Variants in ADAP1 observed in about 807,000 individuals in gnomAD.
ADAP1 encodes the protein arf-GAP with dual PH domain-containing protein 1.
A neutral mutation model predicts 54.9 loss-of-function variants in ADAP1; 31 were observed. The ratio of observed to expected loss-of-function variants is 0.56; its 90% CI spans 0.42 to 0.76. The LOEUF (loss-of-function observed/expected upper bound fraction) is 0.76. Ranked by LOEUF, ADAP1 falls within the 30% of genes least tolerant of loss-of-function variation. The pLI is 0.00. For missense variants in ADAP1, 535 were observed against 512.4 expected, an observed-to-expected ratio of 1.04 and a Z score of -0.42; for synonymous variants, 313 against 202.6, an observed-to-expected ratio of 1.55 and a Z score of -4.63.
intron 8 of ADAP1, 42 bp from the exon 9 acceptor site, chr7:899,532 C>G (rs895528645): frequency 1.9e-6 from 3 of 1,593,806 alleles, no homozygotes; most frequent in Non-Finnish European, 2.6e-6. Context: ...GTCGCCGAGG[C>G]AGGCCCTACA....
intron 4 of ADAP1, among the ~76,000 whole-genome samples, chr7:912,081 A>ACAGCCC (rs1229977674): frequency 1.3e-5 from 2 of 152,166 alleles, no homozygotes; most frequent in African/African-American, 4.8e-5. Flanking sequence ...GACCTCGTGC[A>ACAGCCC]CAGCCCCAGC....
At chr7:941,657 A>C (rs1583183739) in intron 1 of ADAP1, among the ~76,000 whole-genome samples, 1 of 152,234 alleles carries the variant, frequency 6.6e-6, no homozygotes, top group East Asian at 1.9e-4. Flanking sequence ...AGACCTACAG[A>C]TTTTGGAAAG....
At chr7:941,662 G>A (rs1846942641) in intron 1 of ADAP1, among the ~76,000 whole-genome samples, 1 of 152,094 alleles carries the variant, frequency 6.6e-6, no homozygotes, top group Admixed American at 6.6e-5. Flanking sequence ...TACAGATTTT[G>A]GAAAGAGATA....
rs1845039357 is a variant in ADAP1 at position 905,068 on chromosome 7, T to C, written c.493A>G (p.Arg165Gly). The C allele has an allele frequency of 1.2e-6, 2 of 1,611,046 alleles. No homozygotes were observed. The highest frequency in any genetic ancestry group is 1.3e-5 in the African/African-American group (1 of 75,054). ...CCCCGTCTGTGACTCACATCATTTC[T>C]GTTGAAATACTTCAGAGCACCCTCT... ...EREGALKYFN[R>G]NDAKEPKAVM... The change falls in exon 5 of 11, where the codon AGA (arginine) becomes GGA (glycine). Residue 165 changes from arginine (R) to glycine (G), a missense_variant. Arg to Gly is a moderately radical substitution (Grantham distance 125). Coordinates refer to ENST00000265846, the MANE Select transcript of ADAP1 (RefSeq NM_006869.4).
chr7:922,628 C>T (rs1238544093), intron 3 of ADAP1, among the ~76,000 whole-genome samples: 1 of 152,100 alleles, frequency 6.6e-6, no homozygotes, highest in Non-Finnish European at 1.5e-5. Context: ...CGAGTTCTGC[C>T]AGTTTCCACC....
At position 900,630 on chromosome 7, in the gene ADAP1, T is replaced by TGGGCAAAGGC. The variant is rs539485525; in HGVS notation, c.649-15_649-14insGCCTTTGCCC. Reference sequence around the variant, plus strand: ...GTCCACAATCTCCTAGGGGCAAAGGTGGGCACAGGCTTGGGCTGAGGAGGC... The same window carrying TGGGCAAAGGC: ...GTCCACAATCTCCTAGGGGCAAAGGTGGGCAAAGGCGGGCACAGGCTTGGGCTGAGGAGGC... On this transcript the variant is annotated splice_polypyrimidine_tract_variant and intron_variant, in intron 6 of 10. Transcript: ENST00000265846. The TGGGCAAAGGC allele has an allele frequency of 2.8e-4, 451 of 1,598,756 alleles. 1 individual carries two copies. The South Asian group carries it at 3.2e-3, about 11-fold the overall frequency.
chr7:954,675 G>C lies in ADAP1; in HGVS notation c.-198C>G, dbSNP rs1583195375. 1.0e-6 allele frequency: 1 copy of C among 981,754 alleles called. No homozygotes were observed. 60.8% of individuals were successfully genotyped at this position (981,754 alleles called of 1,614,324 possible). On this transcript the variant is annotated 5_prime_UTR_variant, in exon 1 of 11. Coordinates refer to ENST00000265846, the MANE Select transcript of ADAP1 (RefSeq NM_006869.4). ...CTCGTGTCTCCGCCGCGGTCGCTGA[G>C]CGAGTGCCGGCGCGGGGCCCGGGGC...
chr7:912,764 G>T (rs1219596547), intron 4 of ADAP1, among the ~76,000 whole-genome samples: 1 of 152,086 alleles, frequency 6.6e-6, no homozygotes, highest in Non-Finnish European at 1.5e-5. Flanking sequence ...GCAATGGCGC[G>T]ATCTCGGCTC....
chr7:919,019 G>A (rs948346421), intron 4 of ADAP1, among the ~76,000 whole-genome samples: 1 of 152,126 alleles, frequency 6.6e-6, no homozygotes, highest in South Asian at 2.1e-4. Flanking sequence ...TGGGGAGACC[G>A]AGGCTGGGGT....
At chr7:931,299 A>C (rs1846569742) in intron 2 of ADAP1, among the ~76,000 whole-genome samples, 1 of 152,208 alleles carries the variant, frequency 6.6e-6, no homozygotes, top group African/African-American at 2.4e-5. Flanking sequence ...TAAATTGTCG[A>C]AATACATTAA....
chr7:937,173 G>A (rs1393189275), intron 1 of ADAP1, among the ~76,000 whole-genome samples: 1 of 109,360 alleles, frequency 9.1e-6, no homozygotes, highest in African/African-American at 3.6e-5. Flanking sequence ...TGGGGGTCAC[G>A]CCCGACCTCT....
chr7:912,549 C>T (rs1021813864), intron 4 of ADAP1, among the ~76,000 whole-genome samples: 5 of 152,182 alleles, frequency 3.3e-5, no homozygotes, highest in African/African-American at 1.2e-4. Flanking sequence ...CACAGCGACG[C>T]ACCTTCCGCT....
intron 4 of ADAP1, among the ~76,000 whole-genome samples, chr7:909,000 G>A (rs529759103): frequency 5.7e-4 from 87 of 152,018 alleles, no homozygotes; most frequent in African/African-American, 2.0e-3. Context: ...TGCCCGCCGC[G>A]CCCAGCAGGT....
At chr7:912,003 G>A (rs1176627167) in intron 4 of ADAP1, among the ~76,000 whole-genome samples, 3 of 152,216 alleles carry the variant, frequency 2.0e-5, no homozygotes, top group Non-Finnish European at 4.4e-5. Flanking sequence ...GGCTGGTGAT[G>A]TTCCCAGTAG....
chr7:934,231 G>A (rs1374157061), intron 2 of ADAP1, among the ~76,000 whole-genome samples: 1 of 54,394 alleles, frequency 1.8e-5, no homozygotes, highest in Admixed American at 1.5e-4. Flanking sequence ...CGGGGTCAGT[G>A]GTGGTGCAGA....
intron 4 of ADAP1, among the ~76,000 whole-genome samples, chr7:917,432 C>T (rs1186899609): frequency 6.6e-6 from 1 of 152,288 alleles, no homozygotes; most frequent in Admixed American, 6.5e-5. Context: ...CCACCTACAA[C>T]ACCAGGACTG....
intron 1 of ADAP1, among the ~76,000 whole-genome samples, chr7:935,798 C>T (rs919580507): frequency 2.6e-5 from 4 of 152,224 alleles, no homozygotes; most frequent in Admixed American, 2.6e-4. Flanking sequence ...AGGCCGGCCC[C>T]ACAGGAGCCC....
chr7:931,524 A>C (rs1044205026), intron 2 of ADAP1, among the ~76,000 whole-genome samples: 12 of 151,802 alleles, frequency 7.9e-5, no homozygotes, highest in Non-Finnish European at 1.3e-4. Flanking sequence ...CAGAACCCAC[A>C]AATCTACACA....
chr7:954,081 G>A (rs1345434534), intron 1 of ADAP1, among the ~76,000 whole-genome samples: 3 of 152,050 alleles, frequency 2.0e-5, no homozygotes, highest in African/African-American at 7.2e-5. Context: ...CCGAGCTTTC[G>A]CAACGCGGCG....
Sources: allele counts gnomAD v4.1 joint callset (sites outside exome capture counted in the v4.1 genomes callset), GRCh38; gene constraint gnomAD v4.1.1; transcripts MANE v1.5; gene names NCBI Gene and HGNC (gene_info 2026-07-23, HGNC 2026-07-21).